Variants in RSU1 observed in about 807,000 individuals in gnomAD.
RSU1 encodes the protein rsu-1.
Under a neutral mutation model 31.1 loss-of-function variants are expected in RSU1, and 26 were observed. That is an observed-to-expected ratio of 0.84 (90% CI 0.61 to 1.16). RSU1 has a LOEUF of 1.16. RSU1 is among the 50% of genes most tolerant of loss of function. The pLI is 0.00. For synonymous variants in RSU1, 164 were observed against 136.3 expected (o/e 1.20, Z -1.41); for missense variants, 320 against 339.1 (o/e 0.94, Z 0.44).
At chr10:16,806,441 C>G (rs911083314) in intron 2 of RSU1, among the ~76,000 whole-genome samples, 1 of 152,184 alleles carries the variant, frequency 6.6e-6, no homozygotes, top group African/African-American at 2.4e-5. Flanking sequence ...CCACTTATTG[C>G]CTGGGTGACT....
intron 8 of RSU1, among the ~76,000 whole-genome samples, chr10:16,650,946 C>A (rs1018707536): frequency 6.6e-6 from 1 of 152,062 alleles, no homozygotes; most frequent in East Asian, 1.9e-4. Context: ...ATATTTCATT[C>A]ATGTTTTTAA....
At chr10:16,808,215 C>T (rs7923189) in intron 2 of RSU1, among the ~76,000 whole-genome samples, 39,066 of 151,758 alleles carry the variant, frequency 0.26, 5,949 homozygotes, top group African/African-American at 0.43. Flanking sequence ...CAGTGGCTCA[C>T]ACCTGTAATC....
At chr10:16,612,797 A>G (rs1303630840) in intron 8 of RSU1, among the ~76,000 whole-genome samples, 3 of 152,182 alleles carry the variant, frequency 2.0e-5, no homozygotes, top group Non-Finnish European at 4.4e-5. Context: ...CTAAGATGCA[A>G]TGGAGCAATT....
At chr10:16,802,197 A>AC (rs1838170632) in intron 2 of RSU1, among the ~76,000 whole-genome samples, 1 of 151,940 alleles carries the variant, frequency 6.6e-6, no homozygotes, top group Non-Finnish European at 1.5e-5. Flanking sequence ...CTAACCAAAA[A>AC]AAAAAAAAGA....
In RSU1 at chr10:16,642,386, TTC is replaced by T. The variant is rs542408843; in HGVS notation, c.732-48892_732-48891del. On this transcript the variant is annotated intron_variant, in intron 8 of 8. Transcript: ENST00000345264. ...AGGCAGAAACTGCACCAATGCCAGCTTCTCACCTTGGACTCTGGTTAGCAATA... is the reference window on the plus strand; with the variant it reads ...AGGCAGAAACTGCACCAATGCCAGCTTCACCTTGGACTCTGGTTAGCAATA... 1.1e-4 allele frequency among the ~76,000 whole-genome samples: 16 copies of T among 152,320 alleles called. No individual in the cohort carries two copies. The East Asian group carries it at 3.1e-3, about 29-fold the overall frequency.
chr10:16,617,515 G>A (rs1169719749), intron 8 of RSU1, among the ~76,000 whole-genome samples: 1 of 152,140 alleles, frequency 6.6e-6, no homozygotes, highest in South Asian at 2.1e-4. Flanking sequence ...CCAAAAAAGA[G>A]CCCATATAGC....
intron 8 of RSU1, among the ~76,000 whole-genome samples, chr10:16,620,403 A>G (rs1834048379): frequency 6.6e-6 from 1 of 152,084 alleles, no homozygotes; most frequent in Admixed American, 6.6e-5. Flanking sequence ...TTTCATTTAC[A>G]CATGAGATTT....
At chr10:16,639,754 T>C (rs576766868) in intron 8 of RSU1, among the ~76,000 whole-genome samples, 10 of 152,318 alleles carry the variant, frequency 6.6e-5, no homozygotes, top group African/African-American at 9.6e-5. Flanking sequence ...TGTGACAATA[T>C]TGGCATCCTA....
intron 8 of RSU1, among the ~76,000 whole-genome samples, chr10:16,649,158 TAAA>T (rs1834632963): frequency 6.6e-6 from 1 of 152,206 alleles, no homozygotes; most frequent in Non-Finnish European, 1.5e-5. Flanking sequence ...AGTCTTAACT[TAAA>T]AAGGTTTTCA....
intron 4 of RSU1, among the ~76,000 whole-genome samples, chr10:16,763,999 C>T (rs943742130): frequency 3.3e-5 from 5 of 151,992 alleles, no homozygotes; most frequent in African/African-American, 7.3e-5. Context: ...CTCCACGGCA[C>T]GAAGGTGCTT....
intron 3 of RSU1, among the ~76,000 whole-genome samples, chr10:16,776,757 T>C (rs761389406): frequency 6.6e-5 from 10 of 151,748 alleles, no homozygotes; most frequent in African/African-American, 2.4e-4. Context: ...TGGTTATTTC[T>C]TGCACAAAAT....
At chr10:16,688,372 C>G (rs1013569115) in intron 8 of RSU1, among the ~76,000 whole-genome samples, 3 of 152,004 alleles carry the variant, frequency 2.0e-5, no homozygotes, top group African/African-American at 4.8e-5. Flanking sequence ...TTTGGGAGGC[C>G]GAGGCGGACG....
rs139943233 is a variant in RSU1, at chr10:16,798,871, A to G, written c.110-16787T>C. Reference sequence around the variant, plus strand: ...TAGAGTAACACATCGACAACACTCCAGAAAAGAAACTGTCGAGTCTCTATA... The same window carrying G: ...TAGAGTAACACATCGACAACACTCCGGAAAAGAAACTGTCGAGTCTCTATA... On this transcript the variant is annotated intron_variant, in intron 2 of 8. Coordinates refer to ENST00000345264, the MANE Select transcript of RSU1 (RefSeq NM_012425.4). Among the ~76,000 whole-genome samples the G allele has an allele frequency of 3.2e-3, 485 of 152,372 alleles. 2 individuals are homozygous for G. Among genetic ancestry groups the G allele is most frequent in the African/African-American group, 0.01 (432 of 41,590 alleles).
intron 2 of RSU1, among the ~76,000 whole-genome samples, chr10:16,792,509 G>A (rs1415065861): frequency 6.6e-6 from 1 of 152,198 alleles, no homozygotes; most frequent in Non-Finnish European, 1.5e-5. Flanking sequence ...GGGATTACAG[G>A]TATGAGCCAC....
intron 7 of RSU1, chr10:16,748,179 G>A (rs928663425): frequency 1.3e-5 from 2 of 152,218 alleles, no homozygotes; most frequent in Non-Finnish European, 2.9e-5. Flanking sequence ...CTGTTGTAGA[G>A]TGCACAAGTC....
chr10:16,610,733 C>A (rs903909135), intron 8 of RSU1, among the ~76,000 whole-genome samples: 1 of 152,158 alleles, frequency 6.6e-6, no homozygotes, highest in Admixed American at 6.5e-5. Context: ...ATAAGGCACA[C>A]TATAATGTAA....
At chr10:16,599,236 G>A (rs1314135283) in intron 8 of RSU1, among the ~76,000 whole-genome samples, 4 of 152,124 alleles carry the variant, frequency 2.6e-5, no homozygotes, top group Non-Finnish European at 4.4e-5. Flanking sequence ...AGGGCCATGC[G>A]GGGAAGTGCC....
intron 3 of RSU1, 96 bp from the exon 4 acceptor site, chr10:16,764,606 G>A: frequency 7.5e-7 from 1 of 1,330,052 alleles, no homozygotes; most frequent in Non-Finnish European, 1.0e-6. Flanking sequence ...AGCAAAGAAA[G>A]ACATAACTTC....
In RSU1 at chr10:16,817,004, G is replaced by A. The variant is rs199693106; in HGVS notation, c.78C>T (p.Gly26=). 68 of 1,613,880 alleles carry A rather than the reference G, an allele frequency of 4.2e-5. No individual in the cohort carries two copies. The highest frequency in any genetic ancestry group is 5.7e-5 in the Non-Finnish European group (67 of 1,179,826). ...NQPEVDMSDR[G]ISNMLDVNGL... The stretch of plus-strand genomic sequence containing the variant: ...CGTTGACATCCAGCATGTTGGAGAT[G>A]CCCCGGTCACTCATGTCCACCTCGG... The change falls in exon 2 of 9, where the codon GGC becomes GGT. Residue 26 remains glycine (G), a synonymous_variant. Coordinates refer to ENST00000345264, the MANE Select transcript of RSU1 (RefSeq NM_012425.4).
Sources: allele counts gnomAD v4.1 joint callset (sites outside exome capture counted in the v4.1 genomes callset), GRCh38; gene constraint gnomAD v4.1.1; transcripts MANE v1.5; gene names NCBI Gene and HGNC (gene_info 2026-07-23, HGNC 2026-07-21).